NLRC5: variants seen among roughly 807,000 people sequenced by gnomAD.
NLRC5 encodes the protein NLR family CARD domain containing 5.
A neutral mutation model predicts 206.9 loss-of-function variants in NLRC5; 114 were observed. The observed-to-expected ratio is 0.55, with a 90% confidence interval of 0.47 to 0.64. The LOEUF (loss-of-function observed/expected upper bound fraction) is 0.64. Ranked by LOEUF, NLRC5 falls within the 30% of genes least tolerant of loss-of-function variation. NLRC5 has a pLI of 0.00. For synonymous variants in NLRC5, 952 were observed against 962.8 expected (o/e 0.99, Z 0.21); for missense variants, 2,008 against 2,305.5 (o/e 0.87, Z 2.64).
intron 39 of NLRC5, among the ~76,000 whole-genome samples, chr16:57,075,771 C>T (rs1373340534): frequency 1.3e-5 from 2 of 152,138 alleles, no homozygotes; most frequent in Non-Finnish European, 2.9e-5. Flanking sequence ...TATCCAAGTA[C>T]ACCTCCTACC....
chr16:57,012,717 CTCTCATGAAA>C, intron 1 of NLRC5, among the ~76,000 whole-genome samples: 1 of 152,326 alleles, frequency 6.6e-6, no homozygotes, highest in African/African-American at 2.4e-5. Flanking sequence ...AAAAAATGAT[CTCTCATGAAA>C]TCAGTCCCTA....
At chr16:57,053,351 G>A (rs1415498767) in intron 24 of NLRC5, among the ~76,000 whole-genome samples, 1 of 152,140 alleles carries the variant, frequency 6.6e-6, no homozygotes, top group Non-Finnish European at 1.5e-5. Context: ...AAGCTTGGTG[G>A]GCTCCAGGAA....
intron 40 of NLRC5, 80 bp downstream of exon 40, chr16:57,076,982 GC>G: frequency 1.6e-6 from 2 of 1,237,960 alleles, no homozygotes; most frequent in Non-Finnish European, 2.4e-6. Flanking sequence ...ACCTGAGCAC[GC>G]CCTTTGCTTC....
intron 8 of NLRC5, among the ~76,000 whole-genome samples, chr16:57,029,489 C>G (rs1232302845): frequency 6.6e-6 from 1 of 152,174 alleles, no homozygotes; most frequent in Non-Finnish European, 1.5e-5. Context: ...GGTGCTAGGT[C>G]TCCTCATTGT....
chr16:57,039,761 C>T lies in NLRC5; in HGVS notation c.2802-20C>T, dbSNP rs1176620179. ...GAGCCAATAACCTCTCGCTTCCTCACCCCTCTTTTGTCTTCACAGCCTGCA... is the reference window on the plus strand; with the variant it reads ...GAGCCAATAACCTCTCGCTTCCTCATCCCTCTTTTGTCTTCACAGCCTGCA... On this transcript the variant is annotated intron_variant, in intron 15 of 48. Transcript: ENST00000688547. The T allele has an allele frequency of 1.9e-6, 3 of 1,611,208 alleles. No individual in the cohort carries two copies. The highest frequency in any genetic ancestry group is 2.5e-6 in the Non-Finnish European group (3 of 1,177,444).
intron 21 of NLRC5, 102 bp downstream of exon 21, chr16:57,045,594 A>C: frequency 1.8e-6 from 2 of 1,107,456 alleles, no homozygotes; most frequent in Non-Finnish European, 2.7e-6. Context: ...CTCAGCTCTC[A>C]GTTAAACCAC....
At chr16:57,033,891 T>A (rs1167112673) in intron 12 of NLRC5, among the ~76,000 whole-genome samples, 1 of 152,216 alleles carries the variant, frequency 6.6e-6, no homozygotes, top group Non-Finnish European at 1.5e-5. Flanking sequence ...GCTATCTATA[T>A]GCCGGGCATT....
Position 57,047,280 on chromosome 16 carries a change from G to T in NLRC5, c.3339-265G>T, listed in dbSNP as rs375878717. ...TCAAGGTGAGTGAGGATGGTGGCCT[G>T]GGCTCTGGAGGGGGCGGTGGGGAGG... is the stretch of plus-strand genomic sequence containing the variant. On this transcript the variant is annotated intron_variant, in intron 22 of 48. Transcript: ENST00000688547. Among the ~76,000 whole-genome samples, 3 of 152,252 alleles carry T rather than the reference G, an allele frequency of 2.0e-5. No homozygotes were observed. In the East Asian group the frequency reaches 5.8e-4, roughly 29 times the overall value.
In NLRC5 at chr16:57,055,074, G is replaced by A. The variant is rs1234162911; in HGVS notation, c.3639G>A (p.Glu1213=). 1.9e-6 allele frequency: 3 copies of A among 1,614,240 alleles called. No homozygotes were observed. Among genetic ancestry groups the A allele is most frequent in the Admixed American group, 3.3e-5 (2 of 60,034 alleles). ...HATLHFRSNE[E]EEGVCCGRFT... The stretch of plus-strand genomic sequence containing the variant: ...CTTTGCACTTCAGATCCAACGAGGA[G>A]GAGGAAGGCGTGTGCTGTGGGTAAG... Residue 1213 remains glutamate, a synonymous_variant, in exon 26 of 49, where the codon GAG becomes GAA. Coordinates refer to ENST00000688547, the MANE Select transcript of NLRC5 (RefSeq NM_001384950.1).
chr16:56,991,308 C>T lies in NLRC5; in HGVS notation c.-128+1691C>T, dbSNP rs377097399. 4.9e-4 allele frequency among the ~76,000 whole-genome samples: 75 copies of T among 152,084 alleles called. No homozygotes were observed. The East Asian group carries it at 9.3e-3, about 19-fold the overall frequency. ...GGGCCGGGTCAGCCTCCTCAGACCC[C>T]AACACACATACCCTCTTCCCCTCTG... On this transcript the variant is annotated intron_variant, in intron 1 of 48. Coordinates refer to ENST00000688547, the MANE Select transcript of NLRC5 (RefSeq NM_001384950.1).
chr16:57,037,164 G>A (rs1175642615), intron 14 of NLRC5, 31 bp from the exon 15 acceptor site: 1 of 1,593,068 alleles, frequency 6.3e-7, no homozygotes, highest in Non-Finnish European at 8.6e-7. Context: ...TCAGCCACAT[G>A]CCAACGGCTG....
intron 38 of NLRC5, among the ~76,000 whole-genome samples, chr16:57,073,226 G>T (rs2067988201): frequency 6.6e-6 from 1 of 152,158 alleles, no homozygotes; most frequent in Non-Finnish European, 1.5e-5. Context: ...CTTACCTCCT[G>T]CTGCCTTAGT....
At chr16:57,024,561 A>C (rs1214080100) in intron 5 of NLRC5, among the ~76,000 whole-genome samples, 1 of 152,230 alleles carries the variant, frequency 6.6e-6, no homozygotes, top group African/African-American at 2.4e-5. Flanking sequence ...TAAAAGGTTA[A>C]CATCTGGCAC....
chr16:57,069,377 G>A (rs2067391010), intron 36 of NLRC5, among the ~76,000 whole-genome samples: 3 of 152,078 alleles, frequency 2.0e-5, no homozygotes, highest in South Asian at 2.1e-4. Flanking sequence ...AGGAAAAATC[G>A]CTTGAGCCCG....
intron 1 of NLRC5, among the ~76,000 whole-genome samples, chr16:56,993,195 C>G (rs2057175050): frequency 7.6e-6 from 1 of 132,424 alleles, no homozygotes; most frequent in African/African-American, 2.6e-5. Flanking sequence ...GTACTTTTCC[C>G]TTCTCACAAA....
chr16:57,067,327 A>T (rs1236304844), intron 34 of NLRC5, 60 bp from the exon 35 acceptor site: 1 of 1,363,792 alleles, frequency 7.3e-7, no homozygotes, highest in South Asian at 1.2e-5. Context: ...GCAGGCAGAT[A>T]CTGAATCCCA....
At chr16:57,004,602 A>G (rs549747539) in intron 1 of NLRC5, 1 of 152,410 alleles carries the variant, frequency 6.6e-6, no homozygotes, top group Admixed American at 6.5e-5. Context: ...GCATGTGCAC[A>G]TGTGGGTACA....
intron 46 of NLRC5, among the ~76,000 whole-genome samples, chr16:57,080,349 T>C (rs2068970406): frequency 1.3e-5 from 2 of 152,144 alleles, no homozygotes; most frequent in South Asian, 4.1e-4. Flanking sequence ...CCCAACATCT[T>C]AGGAAGGGCA....
chr16:57,071,490 C>T (rs180837014), intron 38 of NLRC5, among the ~76,000 whole-genome samples: 578 of 23,642 alleles, frequency 0.024, 7 homozygotes, highest in African/African-American at 0.082. Context: ...GGTGAGTGAG[C>T]GATGATGGTG....
Sources: gnomAD v4.1 joint callset for allele counts (sites outside exome capture counted in the v4.1 genomes callset) on GRCh38, gnomAD v4.1.1 for gene constraint, MANE v1.5 for transcripts, NCBI Gene and HGNC (gene_info 2026-07-23, HGNC 2026-07-21) for gene names.